Variants in VAV2 observed in about 807,000 individuals in gnomAD.
VAV2 encodes the protein vav guanine nucleotide exchange factor 2.
In VAV2, 67 loss-of-function variants were observed where a neutral mutation model predicts 132.5. That is an observed-to-expected ratio of 0.51 (90% CI 0.42 to 0.62). The LOEUF is 0.62. Ranked by LOEUF, VAV2 falls within the 20% of genes least tolerant of loss-of-function variation. The pLI is 0.00. For synonymous variants in VAV2, 492 were observed against 443.5 expected (o/e 1.11, Z -1.37); for missense variants, 938 against 1,153.6 (o/e 0.81, Z 2.71).
At chr9:133,981,098 C>G (rs1231269752) in intron 1 of VAV2, among the ~76,000 whole-genome samples, 2 of 152,178 alleles carry the variant, frequency 1.3e-5, no homozygotes, top group Non-Finnish European at 2.9e-5. Flanking sequence ...CCAGGAGGCC[C>G]TGGGGAGAAG....
intron 2 of VAV2, among the ~76,000 whole-genome samples, chr9:133,874,373 C>G (rs769530771): frequency 2.0e-5 from 3 of 152,158 alleles, no homozygotes; most frequent in African/African-American, 7.2e-5. Flanking sequence ...ACAGATGGCG[C>G]CTCCCTCCCC....
intron 2 of VAV2, among the ~76,000 whole-genome samples, chr9:133,898,069 T>C (rs904840915): frequency 6.9e-6 from 1 of 145,970 alleles, no homozygotes; most frequent in Admixed American, 7.0e-5. Context: ...CCACGATCAC[T>C]TCCCCCTTTG....
At chr9:133,911,856 C>T in intron 2 of VAV2, among the ~76,000 whole-genome samples, 1 of 152,386 alleles carries the variant, frequency 6.6e-6, no homozygotes, top group Non-Finnish European at 1.5e-5. Context: ...GTCCTCCAAA[C>T]CCACTCTCAC....
At position 133,833,985 on chromosome 9, in the gene VAV2, C is replaced by T. The variant is rs1178549867; in HGVS notation, c.449+287G>A. Among the ~76,000 whole-genome samples, 3 of 152,206 alleles carry T rather than the reference C, an allele frequency of 2.0e-5. No homozygotes were observed. Among genetic ancestry groups the T allele is most frequent in the African/African-American group, 4.8e-5 (2 of 41,460 alleles). The stretch of plus-strand genomic sequence containing the variant: ...GCCCTCATGGAGGACCCTGCTAGGG[C>T]AATGGGCCAACACCCGGGCCAGCCA... On this transcript the variant is annotated intron_variant, in intron 4 of 29. Coordinates refer to ENST00000371850, the MANE Select transcript of VAV2 (RefSeq NM_001134398.2). The surrounding 1 kb of genome is among the most constrained non-coding windows in gnomAD (Gnocchi z 5.6).
At chr9:133,947,068 TCTCAAAGGGCCCTGCTTTCTC>T (rs1443546664) in intron 1 of VAV2, among the ~76,000 whole-genome samples, 3 of 152,102 alleles carry the variant, frequency 2.0e-5, no homozygotes, top group Non-Finnish European at 4.4e-5. Context: ...TGCTGACACC[TCTCAAAGGGCCCTGCTTTCTC>T]CTCAAGCAGC....
chr9:133,980,209 G>T (rs1842649781), intron 1 of VAV2, among the ~76,000 whole-genome samples: 1 of 152,214 alleles, frequency 6.6e-6, no homozygotes, highest in Non-Finnish European at 1.5e-5. Flanking sequence ...CATTTTGCCG[G>T]TGGAGGGGGG....
chr9:133,971,451 CCA>C (rs1257769466), intron 1 of VAV2, among the ~76,000 whole-genome samples: 2 of 152,152 alleles, frequency 1.3e-5, no homozygotes, highest in East Asian at 3.9e-4. Flanking sequence ...GGCCCACGGC[CCA>C]CACACACACA....
At chr9:133,845,470 C>T (rs1390097953) in intron 3 of VAV2, among the ~76,000 whole-genome samples, 1 of 152,224 alleles carries the variant, frequency 6.6e-6, no homozygotes, top group Non-Finnish European at 1.5e-5. Context: ...TGTGTCACCT[C>T]AGGCGAGATC....
At chr9:133,981,923 G>A (rs554802781) in intron 1 of VAV2, among the ~76,000 whole-genome samples, 5 of 152,372 alleles carry the variant, frequency 3.3e-5, no homozygotes, top group African/African-American at 7.2e-5. Flanking sequence ...TTCCTGGCAC[G>A]AAGAGGGCCT....
chr9:133,776,084 G>C lies in VAV2; in HGVS notation c.1966-4C>G, dbSNP rs767423710. 3.1e-6 allele frequency: 5 copies of C among 1,612,740 alleles called. No homozygotes were observed. The highest frequency in any genetic ancestry group is 1.7e-5 in the Admixed American group (1 of 59,984). On this transcript the variant is annotated splice_region_variant and splice_polypyrimidine_tract_variant and intron_variant, in intron 23 of 29. Transcript: ENST00000371850. ...ATGGCGGCCGGCTGATGGGCGGCTG[G>C]TGGCAGAGCACAAGAGTGTTAACGG...
At chr9:133,901,529 C>T (rs2519787) in intron 2 of VAV2, among the ~76,000 whole-genome samples, 110,602 of 152,178 alleles carry the variant, frequency 0.73, 40,603 homozygotes, top group East Asian at 0.93. Context: ...GGCCTAGAAG[C>T]TTCCGTGGGT....
chr9:133,916,688 C>T (rs1362807955), intron 2 of VAV2, among the ~76,000 whole-genome samples: 5 of 152,292 alleles, frequency 3.3e-5, no homozygotes, highest in African/African-American at 9.6e-5. Flanking sequence ...TAGAGGCTCA[C>T]GGCTGGGCCT....
rs1403217459 is a variant in VAV2, at chr9:133,824,109, G to A, written c.449+10163C>T. Among the ~76,000 whole-genome samples, 3 of 152,176 alleles carry A rather than the reference G, an allele frequency of 2.0e-5. No individual in the cohort carries two copies. The highest frequency in any genetic ancestry group is 2.9e-5 in the Non-Finnish European group (2 of 68,020). On this transcript the variant is annotated intron_variant, in intron 4 of 29. Coordinates refer to ENST00000371850, the MANE Select transcript of VAV2 (RefSeq NM_001134398.2). The surrounding 1 kb of genome is among the most constrained non-coding windows in gnomAD (Gnocchi z 5.2). ...GGGGCCCACAAGATGTCCGAGGGGG[G>A]CAGGGAGGGTCCCTGAAAGTGTGGG...
intron 1 of VAV2, among the ~76,000 whole-genome samples, chr9:133,945,064 T>C (rs551752203): frequency 4.3e-4 from 65 of 152,066 alleles, no homozygotes; most frequent in Non-Finnish European, 9.3e-4. Flanking sequence ...CAATTCCTAA[T>C]TTACAGATGA....
intron 2 of VAV2, among the ~76,000 whole-genome samples, chr9:133,865,277 T>C (rs1032961208): frequency 6.6e-6 from 1 of 152,234 alleles, no homozygotes; most frequent in African/African-American, 2.4e-5. Flanking sequence ...TCACCCAATC[T>C]TGCATGGCCT....
At chr9:133,873,743 G>A (rs573827122) in intron 2 of VAV2, among the ~76,000 whole-genome samples, 27 of 152,286 alleles carry the variant, frequency 1.8e-4, no homozygotes, top group South Asian at 6.2e-4. Context: ...GGAATTTCCC[G>A]TCCTTCATGG....
intron 24 of VAV2, among the ~76,000 whole-genome samples, chr9:133,775,507 T>C (rs192273188): frequency 9.7e-4 from 147 of 152,290 alleles, no homozygotes; most frequent in African/African-American, 3.1e-3. Context: ...TCCATGTCAG[T>C]TGAATTTTGA....
rs987281107 is a variant in VAV2 at position 133,812,180 on chromosome 9, G to T, written c.486C>A (p.Val162=). ...HDLGEDIYDC[V]PCEDGGDDIY... ...TGTCGTCCCCTCCATCCTCACACGG[G>T]ACGCAGTCGTAGATGTCCTCCCCCA... Residue 162 remains valine, a synonymous_variant, in exon 5 of 30, where the codon GTC becomes GTA. Coordinates refer to ENST00000371850, the MANE Select transcript of VAV2 (RefSeq NM_001134398.2). 1 of 1,613,988 alleles carries T rather than the reference G, an allele frequency of 6.2e-7. No homozygotes were observed. The highest frequency in any genetic ancestry group is 1.7e-5 in the Admixed American group (1 of 60,034).
chr9:133,777,301 C>T (rs1833850146), intron 23 of VAV2, 88 bp downstream of exon 23: 2 of 1,413,746 alleles, frequency 1.4e-6, no homozygotes, highest in East Asian at 4.6e-5. Context: ...CCTGAACAAG[C>T]CAAAAATGTC....
Sources: gnomAD v4.1 joint callset for allele counts (sites outside exome capture counted in the v4.1 genomes callset) on GRCh38, gnomAD v4.1.1 for gene constraint, Gnocchi (gnomAD v3.1) non-coding constraint, MANE v1.5 for transcripts, NCBI Gene and HGNC (gene_info 2026-07-23, HGNC 2026-07-21) for gene names.